NCR1: variants seen among roughly 807,000 people sequenced by gnomAD.
NCR1 encodes NK cell-activating receptor.
Under a neutral mutation model 32.5 loss-of-function variants are expected in NCR1, and 30 were observed. The observed-to-expected ratio is 0.92, with a 90% confidence interval of 0.69 to 1.25. The LOEUF (loss-of-function observed/expected upper bound fraction) is 1.25, where lower values mean the gene tolerates loss of function less well. Ranked by LOEUF, NCR1 falls within the 50% of genes most tolerant of loss-of-function variation. The pLI is 0.00. For missense variants in NCR1, 369 were observed against 380.7 expected, an observed-to-expected ratio of 0.97 and a Z score of 0.26; for synonymous variants, 169 against 143.4, an observed-to-expected ratio of 1.18 and a Z score of -1.28.
chr19:54,918,297 G>T (rs775998088), downstream of NCR1, among the ~76,000 whole-genome samples: 1 of 151,536 alleles, frequency 6.6e-6, no homozygotes. Context: ...ACCAAGTCTC[G>T]CTCTGTTACC....
the NCR1 span, among the ~76,000 whole-genome samples, chr19:54,921,827 C>A: frequency 6.7e-6 from 1 of 148,366 alleles, no homozygotes; most frequent in Non-Finnish European, 1.5e-5. Flanking sequence ...AAGCTTTCAA[C>A]CTAAAGCATT....
At chr19:54,904,531 C>CTTTT (rs1556717280), upstream of NCR1, among the ~76,000 whole-genome samples, 6 of 118,996 alleles carry the variant, frequency 5.0e-5, no homozygotes, top group Non-Finnish European at 3.5e-5. Flanking sequence ...GTTTTCTTTT[C>CTTTT]TTTTTTTTTT....
chr19:54,928,169 C>A, the NCR1 span, among the ~76,000 whole-genome samples: 84,104 of 151,632 alleles, frequency 0.55, 23,530 homozygotes, highest in East Asian at 0.72. Context: ...ACAGTGAGCC[C>A]AGATTGCGCC....
chr19:54,929,750 A>T, the NCR1 span, among the ~76,000 whole-genome samples: 1 of 152,184 alleles, frequency 6.6e-6, no homozygotes, highest in Non-Finnish European at 1.5e-5. Context: ...GTGCCCACCC[A>T]CATATATTCA....
At chr19:54,913,340 C>T (rs1157560425), downstream of NCR1, among the ~76,000 whole-genome samples, 2 of 152,144 alleles carry the variant, frequency 1.3e-5, no homozygotes, top group Non-Finnish European at 2.9e-5. Flanking sequence ...AGGCATAAGC[C>T]GCTGCGCCCA....
At chr19:54,921,195 A>G in the NCR1 span, among the ~76,000 whole-genome samples, 44 of 152,248 alleles carry the variant, frequency 2.9e-4, 1 homozygote, top group East Asian at 6.6e-3. Flanking sequence ...ATGTTGACTC[A>G]GCCCTACCTC....
the NCR1 span, chr19:54,933,807 G>T: frequency 3.0e-6 from 4 of 1,312,718 alleles, no homozygotes; most frequent in South Asian, 4.7e-5. Flanking sequence ...GCTCAGTGAT[G>T]TCCACATGCT....
upstream of NCR1, chr19:54,906,136 C>A: frequency 6.2e-7 from 1 of 1,613,096 alleles, no homozygotes; most frequent in Non-Finnish European, 8.5e-7. Flanking sequence ...ATCTCCCTGG[C>A]CCGCCCGGCT....
At chr19:54,921,993 T>C in the NCR1 span, among the ~76,000 whole-genome samples, 2 of 151,032 alleles carry the variant, frequency 1.3e-5, no homozygotes, top group African/African-American at 2.4e-5. Flanking sequence ...GCCTCCCGGG[T>C]TCAAGCGATT....
chr19:54,914,693 A>G (rs1297659613), downstream of NCR1, among the ~76,000 whole-genome samples: 2 of 150,792 alleles, frequency 1.3e-5, no homozygotes, highest in Non-Finnish European at 2.9e-5. Context: ...CTCTGCAGAG[A>G]TATCATTTCC....
chr19:54,927,882 A>G, the NCR1 span: 2 of 929,986 alleles, frequency 2.2e-6, no homozygotes, highest in Admixed American at 1.7e-5. Flanking sequence ...ACTTGAGGCC[A>G]GGTGTTCGAG....
chr19:54,923,494 G>T, the NCR1 span: 1 of 568,170 alleles, frequency 1.8e-6, no homozygotes, highest in Non-Finnish European at 3.2e-6. Flanking sequence ...TCCTGAGCAT[G>T]TCAATAAACG....
chr19:54,936,427 T>C, the NCR1 span: 82 of 1,613,686 alleles, frequency 5.1e-5, no homozygotes, highest in South Asian at 7.9e-4. Context: ...GTGACGTTTT[T>C]AATCCTAGGG....
At chr19:54,934,740 C>T in the NCR1 span, 1 of 1,167,188 alleles carries the variant, frequency 8.6e-7, no homozygotes, top group Non-Finnish European at 1.2e-6. This position sits in a 1 kb window ranked among gnomAD's most constrained non-coding sequence, Gnocchi z 6.7. Flanking sequence ...GACAGAGTTT[C>T]ACTCTGTTGC....
chr19:54,902,850 C>T (rs2067324671), upstream of NCR1, among the ~76,000 whole-genome samples: 1 of 151,620 alleles, frequency 6.6e-6, no homozygotes, highest in Non-Finnish European at 1.5e-5. Flanking sequence ...AGGAGGCGGG[C>T]TGGGTGTGGT....
chr19:54,899,726 C>A, the NCR1 span, among the ~76,000 whole-genome samples: 10 of 151,982 alleles, frequency 6.6e-5, no homozygotes, highest in Admixed American at 5.2e-4. Flanking sequence ...CTTGCCCCCC[C>A]AGAAAAGCAG....
the NCR1 span, among the ~76,000 whole-genome samples, chr19:54,899,147 G>A: frequency 2.0e-5 from 3 of 152,110 alleles, no homozygotes; most frequent in Non-Finnish European, 2.9e-5. Context: ...CTGGATGTCA[G>A]GCACCTCAGA....
chr19:54,909,369 A>G lies in NCR1; in HGVS notation c.480A>G (p.Arg160=). The change falls in exon 4 of 7, where the codon AGA becomes AGG. Residue 160 remains arginine (R), a synonymous_variant. Transcript: ENST00000291890. ...TGTTCTTACTGCTCAAGGAGGGAAG[A>G]TCCAGCCACGTACAGCGCGGATACG... The part of the protein sequence containing the change: ...TSMFLLLKEG[R]SSHVQRGYGK... 1 of 1,614,060 alleles carries G rather than the reference A, an allele frequency of 6.2e-7. No homozygotes were observed. Among genetic ancestry groups the G allele is most frequent in the Non-Finnish European group, 8.5e-7 (1 of 1,180,004 alleles).
At chr19:54,909,566 C>G (rs776669661) in intron 4 of NCR1, 43 bp downstream of exon 4, 2 of 1,568,036 alleles carry the variant, frequency 1.3e-6, no homozygotes, top group Non-Finnish European at 1.7e-6. Context: ...CCGCCATGTG[C>G]TACCTGGAGC....
Sources: allele counts gnomAD v4.1 joint callset (sites outside exome capture counted in the v4.1 genomes callset), GRCh38; gene constraint gnomAD v4.1.1; non-coding constraint Gnocchi (gnomAD v3.1); transcripts MANE v1.5; gene names NCBI Gene and HGNC (gene_info 2026-07-23, HGNC 2026-07-21).